ABTB2: variants seen among roughly 807,000 people sequenced by gnomAD.
The protein encoded by ABTB2 is ankyrin repeat and BTB domain containing 2.
A neutral mutation model predicts 104.1 loss-of-function variants in ABTB2; 56 were observed. That is an observed-to-expected ratio of 0.54 (90% CI 0.43 to 0.67). ABTB2 has a LOEUF of 0.67. Among genes scored for constraint, ABTB2 ranks in the 30% least tolerant of loss-of-function variants. ABTB2 has a pLI of 0.00. For missense variants in ABTB2, 1,279 were observed against 1,407.7 expected (o/e 0.91, Z 1.46); for synonymous variants, 606 against 608.2 (o/e 1.00, Z 0.05).
intron 3 of ABTB2, among the ~76,000 whole-genome samples, chr11:34,191,310 G>T (rs1056092215): frequency 2.0e-5 from 3 of 152,188 alleles, no homozygotes; most frequent in African/African-American, 4.8e-5. Context: ...CAACAAAGTG[G>T]CTGGAACCCA....
intron 2 of ABTB2, among the ~76,000 whole-genome samples, chr11:34,201,271 C>A (rs938391866): frequency 1.3e-5 from 2 of 152,128 alleles, no homozygotes. Flanking sequence ...GTCCTCCCCC[C>A]TTGTTAACCA....
At position 34,198,436 on chromosome 11, in the gene ABTB2, AC is replaced by A. The variant is rs60234359; in HGVS notation, c.1031-899del. Among the ~76,000 whole-genome samples, 386 of 129,454 alleles carry A rather than the reference AC, an allele frequency of 3.0e-3. 3 individuals are homozygous for A. Among genetic ancestry groups the A allele is most frequent in the African/African-American group, 0.013 (377 of 28,918 alleles). The allele number at this position is 129,454 out of a possible 152,430, so 84.9% of individuals were successfully genotyped here. A position where few individuals can be genotyped will look rare whatever the true frequency, so the allele number is the denominator to read the frequency against. On this transcript the variant is annotated intron_variant, in intron 2 of 16. Coordinates refer to ENST00000435224, the MANE Select transcript of ABTB2 (RefSeq NM_145804.3). Reference sequence around the variant, plus strand: ...GACAGTGAGACTTTGTCTCAAAAAAACAAACAAACAACAACAACAAAAAAAA... The same window carrying A: ...GACAGTGAGACTTTGTCTCAAAAAAAAAACAAACAACAACAACAAAAAAAA...
chr11:34,221,671 G>A (rs530066800), intron 1 of ABTB2, among the ~76,000 whole-genome samples: 28 of 152,272 alleles, frequency 1.8e-4, no homozygotes, highest in South Asian at 6.2e-4. Context: ...CTCCCCTCAC[G>A]GGGCAATCCT....
intron 1 of ABTB2, among the ~76,000 whole-genome samples, chr11:34,286,385 C>G (rs1189837971): frequency 1.3e-5 from 2 of 152,056 alleles, no homozygotes; most frequent in Non-Finnish European, 1.5e-5. Flanking sequence ...CTCTGCCTCC[C>G]CAGTTCAAGC....
chr11:34,171,173 G>A (rs1371096973), intron 4 of ABTB2, 102 bp from the exon 5 acceptor site: 1 of 1,290,196 alleles, frequency 7.8e-7, no homozygotes, highest in Middle Eastern at 2.1e-4. Context: ...TGAGGATGAG[G>A]ATGGGTGGGA....
At chr11:34,262,726 A>G (rs1414145449) in intron 1 of ABTB2, among the ~76,000 whole-genome samples, 1 of 152,202 alleles carries the variant, frequency 6.6e-6, no homozygotes, top group African/African-American at 2.4e-5. Context: ...CATTATTAAC[A>G]GTGACAATAA....
rs557691144 is a variant in ABTB2 at position 34,281,629 on chromosome 11, T to C, written c.883+75072A>G. The stretch of plus-strand genomic sequence containing the variant: ...ATTTGTTTTCTTCAGAAAATCCAGA[T>C]GATTCCTAAGAGTCATCCCCACAAG... On this transcript the variant is annotated intron_variant, in intron 1 of 16. Coordinates refer to ENST00000435224, the MANE Select transcript of ABTB2 (RefSeq NM_145804.3). 3.3e-5 allele frequency among the ~76,000 whole-genome samples: 5 copies of C among 152,358 alleles called. No individual in the cohort carries two copies. In the South Asian group the frequency reaches 8.3e-4, roughly 25 times the overall value.
chr11:34,338,428 G>A (rs777040387), intron 1 of ABTB2, among the ~76,000 whole-genome samples: 7 of 151,854 alleles, frequency 4.6e-5, no homozygotes, highest in South Asian at 2.1e-4. Context: ...CGGGAATGGC[G>A]GCTCACACCT....
At chr11:34,153,623 T>C (rs2132997412) in intron 16 of ABTB2, among the ~76,000 whole-genome samples, 1 of 152,200 alleles carries the variant, frequency 6.6e-6, no homozygotes, top group African/African-American at 2.4e-5. Context: ...GGATTACAGG[T>C]GTGAGCCACT....
chr11:34,238,758 T>C (rs1386848618), intron 1 of ABTB2, among the ~76,000 whole-genome samples: 1 of 151,420 alleles, frequency 6.6e-6, no homozygotes, highest in African/African-American at 2.4e-5. Context: ...ATCATCATTC[T>C]TTTTTTTTCT....
chr11:34,342,458 C>G (rs1482176225), intron 1 of ABTB2, among the ~76,000 whole-genome samples: 1 of 152,202 alleles, frequency 6.6e-6, no homozygotes, highest in Non-Finnish European at 1.5e-5. Context: ...CAGGCCACTC[C>G]TGAGGACAGG....
At chr11:34,301,570 T>C (rs1183516286) in intron 1 of ABTB2, among the ~76,000 whole-genome samples, 13 of 152,234 alleles carry the variant, frequency 8.5e-5, no homozygotes, top group Non-Finnish European at 1.9e-4. Context: ...TTGAATTTTG[T>C]TCTCTGAATA....
At chr11:34,185,664 T>C (rs954387415) in intron 3 of ABTB2, among the ~76,000 whole-genome samples, 1 of 152,108 alleles carries the variant, frequency 6.6e-6, no homozygotes, top group Non-Finnish European at 1.5e-5. Flanking sequence ...TTCTGAATGG[T>C]CACTGGAGGC....
intron 3 of ABTB2, among the ~76,000 whole-genome samples, chr11:34,184,344 G>GGCTTCTGGGAAGGCA (rs376641529): frequency 1.3e-5 from 2 of 152,210 alleles, no homozygotes; most frequent in Non-Finnish European, 2.9e-5. Flanking sequence ...GGGCCAAGGT[G>GGCTTCTGGGAAGGCA]GCTTCTGGGA....
At chr11:34,239,886 G>A (rs935920925) in intron 1 of ABTB2, among the ~76,000 whole-genome samples, 2 of 152,170 alleles carry the variant, frequency 1.3e-5, no homozygotes, top group African/African-American at 4.8e-5. Flanking sequence ...TCATTCAAAT[G>A]GACTGTCTTC....
At chr11:34,168,098 C>T (rs1852826679) in intron 5 of ABTB2, 106 bp from the exon 6 acceptor site, 2 of 1,135,290 alleles carry the variant, frequency 1.8e-6, no homozygotes, top group Admixed American at 2.0e-5. Context: ...CCCGCCACCC[C>T]AGCCGAGCAT....
intron 5 of ABTB2, among the ~76,000 whole-genome samples, chr11:34,169,737 A>G (rs938241560): frequency 6.6e-6 from 1 of 151,360 alleles, no homozygotes; most frequent in Non-Finnish European, 1.5e-5. Context: ...TCCTTCCCCA[A>G]CCCCTGGCCT....
rs141072120 is a variant in ABTB2 at position 34,271,294 on chromosome 11, C to T, written c.884-66604G>A. On this transcript the variant is annotated intron_variant, in intron 1 of 16. Coordinates refer to ENST00000435224, the MANE Select transcript of ABTB2 (RefSeq NM_145804.3). ...GATAATAATCACTGATGCCATCCAA[C>T]ATGGTGATTGATAATGCTCCCTCTT... Among the ~76,000 whole-genome samples, 168 of 152,340 alleles carry T rather than the reference C, an allele frequency of 1.1e-3. 1 individual carries two copies. Among genetic ancestry groups the T allele is most frequent in the African/African-American group, 3.6e-3 (151 of 41,572 alleles).
chr11:34,235,961 A>G (rs999685677), intron 1 of ABTB2, among the ~76,000 whole-genome samples: 1 of 152,222 alleles, frequency 6.6e-6, no homozygotes, highest in African/African-American at 2.4e-5. Flanking sequence ...CACAGCGCCT[A>G]GCTTCCCTGC....
Sources: allele counts gnomAD v4.1 joint callset (sites outside exome capture counted in the v4.1 genomes callset), GRCh38; gene constraint gnomAD v4.1.1; transcripts MANE v1.5; gene names NCBI Gene and HGNC (gene_info 2026-07-23, HGNC 2026-07-21).